The following NCOR2 variants were observed in gnomAD, a reference collection of about 807,000 sequenced individuals.
NCOR2 encodes the protein CTG repeat protein 26.
Under a neutral mutation model 262.9 loss-of-function variants are expected in NCOR2, and 81 were observed. That is an observed-to-expected ratio of 0.31 (90% confidence interval 0.26 to 0.37). The LOEUF is 0.37. NCOR2 is among the 10% of genes least tolerant of loss of function. The pLI is 1.00. For missense variants in NCOR2, 3,385 were observed against 3,621.4 expected, an observed-to-expected ratio of 0.93 and a Z score of 1.68; for synonymous variants, 1,659 against 1,559.3, an observed-to-expected ratio of 1.06 and a Z score of -1.51.
chr12:124,391,276 C>T (rs1354806706), intron 16 of NCOR2, among the ~76,000 whole-genome samples: 2 of 152,138 alleles, frequency 1.3e-5, no homozygotes, highest in Non-Finnish European at 2.9e-5. Flanking sequence ...ACTCGCTCTC[C>T]CCACCCCAGC....
chr12:124,373,827 T>G lies in NCOR2; in HGVS notation c.2218+586A>C, dbSNP rs2950605. Among the ~76,000 whole-genome samples, 2 of 8,678 alleles carry G rather than the reference T, an allele frequency of 2.3e-4. 1 individual carries two copies. Among genetic ancestry groups the G allele is most frequent in the African/African-American group, 7.6e-4 (2 of 2,616 alleles). The allele number at this position is 8,678 out of a possible 152,430, so 5.7% of individuals were successfully genotyped here. On this transcript the variant is annotated intron_variant, in intron 19 of 46. Coordinates refer to ENST00000405201, the Ensembl canonical transcript of NCOR2. ...GAGGCCAGTGCGTGTGCAGGGGCCC[T>G]GGGCACGGTGGACAATCATGAGGCC... is the stretch of plus-strand genomic sequence containing the variant.
intron 1 of NCOR2, among the ~76,000 whole-genome samples, chr12:124,490,408 AGATGGATGGATGGATGGATGGATGGATG>A (rs750414709): frequency 7.9e-6 from 1 of 126,258 alleles, no homozygotes; most frequent in African/African-American, 2.7e-5. Context: ...AGTATTTGCC[AGATGGATGGATGGATGGATGGATGGATG>A]GATGGATGGA....
chr12:124,340,755 C>T lies in NCOR2; in HGVS notation c.5189-4G>A, dbSNP rs748310660. 9.8e-6 allele frequency: 15 copies of T among 1,532,092 alleles called. No homozygotes were observed. The highest frequency in any genetic ancestry group is 3.9e-5 in the South Asian group (3 of 77,830). The allele number at this position is 1,532,092 out of a possible 1,614,324, so 94.9% of individuals were successfully genotyped here. On this transcript the variant is annotated splice_polypyrimidine_tract_variant and splice_region_variant and intron_variant, in intron 34 of 46. Coordinates refer to ENST00000405201, the Ensembl canonical transcript of NCOR2. ...ACTTGGGACAGGTCGATGATGCCTGCGGGAGGTGTTGGGCCAGGGCTGTAG... is the reference window on the plus strand; with the variant it reads ...ACTTGGGACAGGTCGATGATGCCTGTGGGAGGTGTTGGGCCAGGGCTGTAG...
chr12:124,504,278 A>G lies in NCOR2; in HGVS notation c.-117-8910T>C, dbSNP rs748588848. 2.0e-5 allele frequency among the ~76,000 whole-genome samples: 3 copies of G among 152,206 alleles called. No homozygotes were observed. Among genetic ancestry groups the G allele is most frequent in the Non-Finnish European group, 4.4e-5 (3 of 68,038 alleles). On this transcript the variant is annotated intron_variant, in intron 1 of 46. Coordinates refer to the NCOR2 transcript ENST00000404621. The surrounding 1 kb of genome is among the most constrained non-coding windows in gnomAD (Gnocchi z 4.5). Reference sequence around the variant, plus strand: ...GCTGGGGTGCCCGGAGCGTCTCGTCAGGTCCCAGACTTGCTCCCTCTGGGC... The same window carrying G: ...GCTGGGGTGCCCGGAGCGTCTCGTCGGGTCCCAGACTTGCTCCCTCTGGGC...
At chr12:124,508,542 G>A (rs745653692) in intron 1 of NCOR2, among the ~76,000 whole-genome samples, 2 of 152,182 alleles carry the variant, frequency 1.3e-5, no homozygotes, top group Non-Finnish European at 2.9e-5. Flanking sequence ...GCCGAGGGGA[G>A]GGGCCCGCAG....
At chr12:124,424,930 G>A (rs2136317523) in intron 11 of NCOR2, among the ~76,000 whole-genome samples, 1 of 152,336 alleles carries the variant, frequency 6.6e-6, no homozygotes, top group South Asian at 2.1e-4. Flanking sequence ...AGAGCTCTGA[G>A]GTCCTGAGGA....
intron 7 of NCOR2, among the ~76,000 whole-genome samples, chr12:124,439,465 A>G (rs931905755): frequency 6.7e-6 from 1 of 150,018 alleles, no homozygotes; most frequent in African/African-American, 2.5e-5. Flanking sequence ...AGGGACCCAG[A>G]GAGAGGGAGA....
chr12:124,331,756 A>G (rs1219523183), intron 43 of NCOR2: 1 of 158,332 alleles, frequency 6.3e-6, no homozygotes, highest in African/African-American at 2.4e-5. Flanking sequence ...GCCAGTGACT[A>G]TCTGCAAGGT....
intron 1 of NCOR2, among the ~76,000 whole-genome samples, chr12:124,515,191 G>C (rs369404000): frequency 1.3e-5 from 2 of 152,152 alleles, no homozygotes; most frequent in East Asian, 3.9e-4. Context: ...CAGCTTCATG[G>C]GGGAGTCCTC....
chr12:124,496,745 T>A (rs187231493), upstream of NCOR2, among the ~76,000 whole-genome samples: 33 of 149,732 alleles, frequency 2.2e-4, 1 homozygote, highest in South Asian at 7.2e-3. This position sits in a 1 kb window ranked among gnomAD's most constrained non-coding sequence, Gnocchi z 4.4. Flanking sequence ...CCTCCCCAGG[T>A]GCCAGGGATG....
In NCOR2 at chr12:124,442,970, A is replaced by T. The variant is rs375173921; in HGVS notation, c.816-4974T>A. 2.1e-4 allele frequency among the ~76,000 whole-genome samples: 32 copies of T among 152,332 alleles called. No individual in the cohort carries two copies. The East Asian group carries it at 5.8e-3, about 28-fold the overall frequency. On this transcript the variant is annotated intron_variant, in intron 7 of 46. Coordinates refer to ENST00000405201, the Ensembl canonical transcript of NCOR2. ...GAGTGACGCATCTCCCAGCCAAGGA[A>T]CGCCAAGGAGGCCGGCAGCCGCCAG...
At chr12:124,479,525 A>ACG (rs970380995) in intron 3 of NCOR2, among the ~76,000 whole-genome samples, 1 of 151,766 alleles carries the variant, frequency 6.6e-6, no homozygotes, top group Non-Finnish European at 1.5e-5. Flanking sequence ...ATGCGCGCAC[A>ACG]CGCACACACA....
intron 1 of NCOR2, among the ~76,000 whole-genome samples, chr12:124,521,211 C>T (rs941450479): frequency 4.6e-5 from 7 of 152,224 alleles, no homozygotes; most frequent in African/African-American, 1.7e-4. Context: ...CTCACTTCCT[C>T]CCCACACACT....
rs774688979 is a variant in NCOR2 at position 124,354,953 on chromosome 12, G to T, written c.3382-14C>A. On this transcript the variant is annotated splice_polypyrimidine_tract_variant and intron_variant, in intron 24 of 46. Coordinates refer to ENST00000405201, the Ensembl canonical transcript of NCOR2. Reference sequence around the variant, plus strand: ...GACCGACATTCCCTGTAGGGGCGGAGTTGTGGGGTCACAGGGGCACCCTGG... The same window carrying T: ...GACCGACATTCCCTGTAGGGGCGGATTTGTGGGGTCACAGGGGCACCCTGG... The T allele has an allele frequency of 3.7e-6, 6 of 1,610,212 alleles. 2 individuals are homozygous for T. The South Asian group carries it at 6.6e-5, about 18-fold the overall frequency.
At chr12:124,346,642 C>G in exon 31 of NCOR2, 1 of 1,594,960 alleles carries the variant, frequency 6.3e-7, no homozygotes, top group Non-Finnish European at 8.5e-7. Context: ...CGCGCGGGAT[C>G]TCATGGATGG....
intron 30 of NCOR2, chr12:124,347,550 G>T (rs2037040619): frequency 6.9e-6 from 3 of 437,266 alleles, no homozygotes; most frequent in Middle Eastern, 6.2e-4. Context: ...TACGCAGGTG[G>T]CACCTGGGTT....
exon 34 of NCOR2, chr12:124,342,006 G>C: frequency 6.2e-7 from 1 of 1,613,414 alleles, no homozygotes. Context: ...CCGCGGATGA[G>C]GTAGGGTGGG....
chr12:124,340,870 G>A, intron 34 of NCOR2, 119 bp from the exon 37 acceptor site: 1 of 1,006,694 alleles, frequency 9.9e-7, no homozygotes, highest in Non-Finnish European at 1.3e-6. Flanking sequence ...CAGAGCTGGT[G>A]GCAGGCACTC....
At position 124,524,453 on chromosome 12, in the gene NCOR2, G is replaced by A. The variant is rs371234625; in HGVS notation, c.-118+11112C>T. ...CAAGAGAAAGGAGTGTCCCTCCTGG[G>A]ATGCCAGGTGACTCTCCTTCTCCTT... is the stretch of plus-strand genomic sequence containing the variant. On this transcript the variant is annotated intron_variant, in intron 1 of 46. Transcript: ENST00000404621. 5.3e-5 allele frequency among the ~76,000 whole-genome samples: 8 copies of A among 152,224 alleles called. No individual in the cohort carries two copies. The East Asian group carries it at 9.6e-4, about 18-fold the overall frequency.
Sources: allele counts gnomAD v4.1 joint callset (sites outside exome capture counted in the v4.1 genomes callset), GRCh38; gene constraint gnomAD v4.1.1; non-coding constraint Gnocchi (gnomAD v3.1); transcripts MANE v1.5; gene names NCBI Gene and HGNC (gene_info 2026-07-23, HGNC 2026-07-21).